Variants in BTBD9 observed in about 807,000 individuals in gnomAD.
BTBD9 encodes BTB domain containing 9.
BTBD9 carries 49 observed loss-of-function variants against 64.3 expected under a neutral mutation model. The ratio of observed to expected loss-of-function variants is 0.76; its 90% CI spans 0.61 to 0.97. The LOEUF (loss-of-function observed/expected upper bound fraction) is 0.97. Among genes scored for constraint, BTBD9 ranks in the 50% least tolerant of loss-of-function variants. BTBD9 has a pLI of 0.00. For missense variants in BTBD9, 598 were observed against 762.1 expected (o/e 0.78, Z 2.53); for synonymous variants, 260 against 274.7 (o/e 0.95, Z 0.53).
intron 7 of BTBD9, among the ~76,000 whole-genome samples, chr6:38,325,678 C>T (rs1014719618): frequency 4.6e-5 from 7 of 152,172 alleles, no homozygotes; most frequent in African/African-American, 1.7e-4. Flanking sequence ...GAGCAAGACT[C>T]CGTCTCAAAA....
Position 38,171,583 on chromosome 6 carries a change from TGTGTGTGTGTGTGTGTGTGTGAGA to T in BTBD9, c.*3378_*3401del, listed in dbSNP as rs1766765089. The T allele has an allele frequency of 8.2e-6, 1 of 122,570 alleles. No homozygotes were observed. Among genetic ancestry groups the T allele is most frequent in the African/African-American group, 3.0e-5 (1 of 33,746 alleles). The allele number at this position is 122,570 out of a possible 1,614,324, so 7.6% of individuals were successfully genotyped here. ...GTGTGTGTGTGTGTGTGTGTGTGTG[TGTGTGTGTGTGTGTGTGTGTGAGA>T]GGGAGAGACGGTGGGGGCGGGGGGT... On this transcript the variant is annotated 3_prime_UTR_variant, in exon 11 of 11. Coordinates refer to ENST00000481247, the MANE Select transcript of BTBD9 (RefSeq NM_001099272.2).
chr6:38,501,411 A>T (rs10947738), intron 6 of BTBD9, among the ~76,000 whole-genome samples: 4 of 152,112 alleles, frequency 2.6e-5, no homozygotes, highest in Non-Finnish European at 5.9e-5. Flanking sequence ...CAAGCATTTC[A>T]GATAAGGGAC....
chr6:38,313,800 A>T (rs1762936269), intron 7 of BTBD9, among the ~76,000 whole-genome samples: 1 of 133,640 alleles, frequency 7.5e-6, no homozygotes, highest in South Asian at 2.4e-4. Flanking sequence ...TCCAGGCTGG[A>T]GTGCAGTGGC....
At chr6:38,393,573 A>G (rs1176350647) in intron 6 of BTBD9, among the ~76,000 whole-genome samples, 1 of 152,208 alleles carries the variant, frequency 6.6e-6, no homozygotes, top group African/African-American at 2.4e-5. Flanking sequence ...CAGTTACTCA[A>G]TAAAAAGCAC....
At chr6:38,500,944 G>A (rs1335031524) in intron 6 of BTBD9, among the ~76,000 whole-genome samples, 1 of 152,134 alleles carries the variant, frequency 6.6e-6, no homozygotes, top group Non-Finnish European at 1.5e-5. Flanking sequence ...CAAAGCACTG[G>A]CTGAAGACCA....
At chr6:38,448,922 T>C (rs1225659257) in intron 6 of BTBD9, among the ~76,000 whole-genome samples, 2 of 152,328 alleles carry the variant, frequency 1.3e-5, no homozygotes, top group East Asian at 3.9e-4. Flanking sequence ...ATAATTGATA[T>C]AACCACATGG....
Position 38,171,288 on chromosome 6 carries a change from A to C in BTBD9, c.*3697T>G, listed in dbSNP as rs562642981. ...AGCATAATACTGGGCAATTTTTTGC[A>C]CAATTCAAAAGCTTTTTTTCTCTTT... On this transcript the variant is annotated 3_prime_UTR_variant, in exon 11 of 11. Transcript: ENST00000481247. The C allele has an allele frequency of 2.6e-5, 4 of 152,350 alleles. No homozygotes were observed. In the East Asian group the frequency reaches 5.8e-4, roughly 22 times the overall value. 9.4% of individuals were successfully genotyped at this position (152,350 alleles called of 1,614,324 possible).
chr6:38,388,933 T>A (rs1766295571), intron 6 of BTBD9, among the ~76,000 whole-genome samples: 1 of 152,322 alleles, frequency 6.6e-6, no homozygotes, highest in South Asian at 2.1e-4. Flanking sequence ...AGTATTGTTA[T>A]ACCACAGGTT....
intron 6 of BTBD9, among the ~76,000 whole-genome samples, chr6:38,464,704 C>G (rs1165413871): frequency 6.6e-6 from 1 of 152,106 alleles, no homozygotes; most frequent in Non-Finnish European, 1.5e-5. Context: ...CCAAGTTGGC[C>G]AGGCTAGTCT....
chr6:38,457,163 G>T (rs941781744), intron 6 of BTBD9, among the ~76,000 whole-genome samples: 4 of 152,222 alleles, frequency 2.6e-5, no homozygotes, highest in African/African-American at 9.7e-5. Context: ...TGAGGACAAA[G>T]AAGCAGAGGC....
intron 9 of BTBD9, among the ~76,000 whole-genome samples, chr6:38,229,589 T>A (rs1428042160): frequency 6.6e-6 from 1 of 152,210 alleles, no homozygotes; most frequent in Non-Finnish European, 1.5e-5. Context: ...TATGAACACC[T>A]GGCAGACAGT....
chr6:38,436,777 C>T (rs1768763410), intron 6 of BTBD9, among the ~76,000 whole-genome samples: 1 of 152,170 alleles, frequency 6.6e-6, no homozygotes, highest in African/African-American at 2.4e-5. Context: ...CTTGCGCTCC[C>T]AACTCCCTGG....
intron 9 of BTBD9, among the ~76,000 whole-genome samples, chr6:38,227,443 C>A (rs765513391): frequency 1.3e-5 from 2 of 152,202 alleles, no homozygotes; most frequent in African/African-American, 4.8e-5. Flanking sequence ...TAAAGAGGCA[C>A]ACAATGAGGT....
chr6:38,594,745 T>C (rs1488622482), intron 2 of BTBD9, among the ~76,000 whole-genome samples: 1 of 152,196 alleles, frequency 6.6e-6, no homozygotes, highest in Admixed American at 6.5e-5. Flanking sequence ...CTGGCAGAAA[T>C]TAAAAGGCTT....
At chr6:38,522,105 C>T (rs1773294854) in intron 6 of BTBD9, among the ~76,000 whole-genome samples, 1 of 152,160 alleles carries the variant, frequency 6.6e-6, no homozygotes, top group African/African-American at 2.4e-5. Context: ...AAGCTAAGCT[C>T]GCAGGCTCCG....
intron 1 of BTBD9, among the ~76,000 whole-genome samples, chr6:38,635,513 A>T (rs1778499431): frequency 6.6e-6 from 1 of 152,156 alleles, no homozygotes; most frequent in African/African-American, 2.4e-5. Flanking sequence ...GTTAGAGGAG[A>T]CATGATTCCC....
chr6:38,621,778 C>G (rs959058963), intron 1 of BTBD9, among the ~76,000 whole-genome samples: 5 of 152,272 alleles, frequency 3.3e-5, no homozygotes, highest in Non-Finnish European at 4.4e-5. Flanking sequence ...CATACCCTGC[C>G]AAAGCCATCA....
At chr6:38,482,097 C>A (rs901824777) in intron 6 of BTBD9, 2 of 152,236 alleles carry the variant, frequency 1.3e-5, no homozygotes, top group Non-Finnish European at 2.9e-5. Flanking sequence ...AGAAGTGCTA[C>A]ACATGCTCAA....
intron 9 of BTBD9, among the ~76,000 whole-genome samples, chr6:38,252,757 T>C (rs1258397000): frequency 2.6e-5 from 4 of 152,176 alleles, no homozygotes; most frequent in South Asian, 4.1e-4. Context: ...TTTAACTAAA[T>C]ACAAAATGAA....
Sources: gnomAD v4.1 joint callset for allele counts (sites outside exome capture counted in the v4.1 genomes callset) on GRCh38, gnomAD v4.1.1 for gene constraint, MANE v1.5 for transcripts, NCBI Gene and HGNC (gene_info 2026-07-23, HGNC 2026-07-21) for gene names.